The following SDK2 variants were observed in gnomAD, a reference collection of about 807,000 sequenced individuals.
The protein encoded by SDK2 is protein sidekick-2.
Under a neutral mutation model 253.9 loss-of-function variants are expected in SDK2, and 105 were observed. The observed-to-expected ratio is 0.41, with a 90% CI of 0.35 to 0.49. SDK2 has a LOEUF of 0.49. Among genes scored for constraint, SDK2 ranks in the 20% least tolerant of loss-of-function variants. The pLI is 0.06. For missense variants in SDK2, 2,608 were observed against 3,003.0 expected (o/e 0.87, Z 3.07); for synonymous variants, 1,249 against 1,234.9 (o/e 1.01, Z -0.24).
rs923423987 is a variant in SDK2 at position 73,431,105 on chromosome 17, G to A, written c.1480+397C>T. 5.3e-5 allele frequency among the ~76,000 whole-genome samples: 8 copies of A among 152,212 alleles called. No homozygotes were observed. Among genetic ancestry groups the A allele is most frequent in the Non-Finnish European group, 1.0e-4 (7 of 68,038 alleles). ...AGCCACGCCCATTGGATGACATACCGTCTGTGGCTGCTTTCTAGATAAAAC... is the reference window on the plus strand; with the variant it reads ...AGCCACGCCCATTGGATGACATACCATCTGTGGCTGCTTTCTAGATAAAAC... On this transcript the variant is annotated intron_variant, in intron 11 of 44. Transcript: ENST00000392650. The surrounding 1 kb of genome is among the most constrained non-coding windows in gnomAD (Gnocchi z 5.6).
At chr17:73,417,058 T>A (rs1195274066) in intron 16 of SDK2, among the ~76,000 whole-genome samples, 4 of 152,168 alleles carry the variant, frequency 2.6e-5, no homozygotes, top group Non-Finnish European at 5.9e-5. Context: ...TAGGTGTGGC[T>A]TCTGGCTAGC....
intron 1 of SDK2, among the ~76,000 whole-genome samples, chr17:73,593,768 CAG>C (rs1308561789): frequency 6.6e-6 from 1 of 152,174 alleles, no homozygotes; most frequent in Admixed American, 6.5e-5. Context: ...TTAAATAACA[CAG>C]GGGCCTGGGC....
At chr17:73,483,292 C>T (rs1006800949) in intron 2 of SDK2, among the ~76,000 whole-genome samples, 4 of 149,192 alleles carry the variant, frequency 2.7e-5, no homozygotes, top group East Asian at 3.9e-4. Context: ...AACTCTGCAC[C>T]GACACAAGAC....
chr17:73,497,220 A>C (rs1229874480), intron 2 of SDK2, among the ~76,000 whole-genome samples: 11 of 152,208 alleles, frequency 7.2e-5, no homozygotes. Flanking sequence ...TTTGGAATCC[A>C]GCAGCGGTTG....
chr17:73,588,210 C>T (rs895102281), intron 1 of SDK2, among the ~76,000 whole-genome samples: 6 of 149,040 alleles, frequency 4.0e-5, no homozygotes, highest in Non-Finnish European at 5.9e-5. Flanking sequence ...CCCCCCCCTC[C>T]CCCGCCATCT....
rs969885798 is a variant in SDK2 at position 73,629,123 on chromosome 17, C to A, written c.64+14902G>T. On this transcript the variant is annotated intron_variant, in intron 1 of 44. Transcript: ENST00000392650. This position sits in a 1 kb window ranked among gnomAD's most constrained non-coding sequence, Gnocchi z 5.0. ...GGAAAGCCAGGCTCCTGAGCTCGCA[C>A]CTCACTTGCCTTTCTTGGCTGCACA... Among the ~76,000 whole-genome samples the A allele has an allele frequency of 5.9e-5, 9 of 152,226 alleles. No individual in the cohort carries two copies. Among genetic ancestry groups the A allele is most frequent in the African/African-American group, 2.2e-4 (9 of 41,460 alleles).
At chr17:73,448,147 A>G (rs2063466892) in intron 4 of SDK2, among the ~76,000 whole-genome samples, 1 of 152,208 alleles carries the variant, frequency 6.6e-6, no homozygotes, top group African/African-American at 2.4e-5. Flanking sequence ...CAGACACTGA[A>G]GAAATGTTCT....
Position 73,618,831 on chromosome 17 carries a change from C to A in SDK2, c.64+25194G>T, listed in dbSNP as rs576130162. ...AGCAAATGCCTACCAGAGCACAAAA[C>A]CCACAGCTAACAACTATGAACCCTG... On this transcript the variant is annotated intron_variant, in intron 1 of 44. Transcript: ENST00000392650. The surrounding 1 kb of genome is among the most constrained non-coding windows in gnomAD (Gnocchi z 4.1). 1.3e-5 allele frequency among the ~76,000 whole-genome samples: 2 copies of A among 152,252 alleles called. No individual in the cohort carries two copies. Among genetic ancestry groups the A allele is most frequent in the East Asian group, 1.9e-4 (1 of 5,188 alleles).
intron 1 of SDK2, among the ~76,000 whole-genome samples, chr17:73,628,621 G>C (rs2046232247): frequency 6.6e-6 from 1 of 152,224 alleles, no homozygotes; most frequent in South Asian, 2.1e-4. Flanking sequence ...GACCACCTGG[G>C]ACGGGCCCAG....
chr17:73,350,090 G>C (rs2062521094), intron 43 of SDK2, 147 bp downstream of exon 43: 4 of 751,552 alleles, frequency 5.3e-6, no homozygotes, highest in Non-Finnish European at 8.4e-6. Context: ...TCTTTCTGCT[G>C]ATCGTTCCCA....
chr17:73,576,982 C>T (rs60990071), intron 1 of SDK2, among the ~76,000 whole-genome samples: 14,114 of 152,244 alleles, frequency 0.093, 721 homozygotes, highest in South Asian at 0.18. Context: ...GGCTTCGGAG[C>T]GTGGGAGTGG....
chr17:73,494,739 CTTTCCCTGCTACTGACTAGCAAA>C (rs1567805425), intron 2 of SDK2, among the ~76,000 whole-genome samples: 2 of 152,212 alleles, frequency 1.3e-5, no homozygotes, highest in Non-Finnish European at 2.9e-5. Flanking sequence ...ACCACCCTGC[CTTTCCCTGCTACTGACTAGCAAA>C]TCCTGAGGCC....
At chr17:73,362,842 C>T (rs949176494) in intron 38 of SDK2, among the ~76,000 whole-genome samples, 8 of 152,196 alleles carry the variant, frequency 5.3e-5, no homozygotes, top group Non-Finnish European at 4.4e-5. Flanking sequence ...CCCTGGGAGC[C>T]GGGGTTAGTG....
In SDK2 at chr17:73,395,441, T is replaced by C; in HGVS notation, c.3355-49A>G. On this transcript the variant is annotated intron_variant, in intron 24 of 44. Coordinates refer to ENST00000392650, the MANE Select transcript of SDK2 (RefSeq NM_001144952.2). This position sits in a 1 kb window ranked among gnomAD's most constrained non-coding sequence, Gnocchi z 4.3. ...AGCTGCTATGAGCCAGGCCCCCCAC[T>C]GTGCAGGGAGGAACTGCCCTGCTAC... 1 of 1,513,792 alleles carries C rather than the reference T, an allele frequency of 6.6e-7. No homozygotes were observed. The highest frequency in any genetic ancestry group is 9.2e-7 in the Non-Finnish European group (1 of 1,091,942). 93.8% of individuals were successfully genotyped at this position (1,513,792 alleles called of 1,614,324 possible).
chr17:73,352,346 CAAT>C lies in SDK2; in HGVS notation c.5758+124_5758+126del. ...TTGCCTCTTCACAGCCCCGAGGGGACAATGTGTTTTTGTTCCCGCCCCATGCTC... is the reference window on the plus strand; with the variant it reads ...TTGCCTCTTCACAGCCCCGAGGGGACGTGTTTTTGTTCCCGCCCCATGCTC... On this transcript the variant is annotated intron_variant, in intron 41 of 44. Transcript: ENST00000392650. This position sits in a 1 kb window ranked among gnomAD's most constrained non-coding sequence, Gnocchi z 4.1. 4 of 1,195,734 alleles carry C rather than the reference CAAT, an allele frequency of 3.3e-6. No individual in the cohort carries two copies. Among genetic ancestry groups the C allele is most frequent in the Non-Finnish European group, 4.6e-6 (4 of 863,406 alleles). The allele number at this position is 1,195,734 out of a possible 1,614,324, so 74.1% of individuals were successfully genotyped here.
At chr17:73,553,298 C>A (rs2045093102) in intron 1 of SDK2, among the ~76,000 whole-genome samples, 1 of 152,168 alleles carries the variant, frequency 6.6e-6, no homozygotes, top group Non-Finnish European at 1.5e-5. Context: ...TATTGATAGA[C>A]CATTCTCACT....
intron 1 of SDK2, among the ~76,000 whole-genome samples, chr17:73,621,663 T>C (rs2046134313): frequency 6.6e-6 from 1 of 151,866 alleles, no homozygotes; most frequent in Non-Finnish European, 1.5e-5. Flanking sequence ...AAATAAAATA[T>C]ATCAGATTTA....
chr17:73,414,632 T>C lies in SDK2; in HGVS notation c.2484+12A>G, dbSNP rs1480620292. 4.4e-6 allele frequency: 7 copies of C among 1,603,836 alleles called. No homozygotes were observed. The Admixed American group carries it at 1.0e-4, about 23-fold the overall frequency. On this transcript the variant is annotated intron_variant, in intron 18 of 44. Transcript: ENST00000392650. Reference sequence around the variant, plus strand: ...TAGGGCCTCCTCTTGGGTGAGGAGATGCCTCATGTACCTTGTAGCCCTGGT... The same window carrying C: ...TAGGGCCTCCTCTTGGGTGAGGAGACGCCTCATGTACCTTGTAGCCCTGGT...
In SDK2 at chr17:73,416,625, T is replaced by C. The variant is rs113890414; in HGVS notation, c.2187-633A>G. Among the ~76,000 whole-genome samples, 450 of 152,236 alleles carry C rather than the reference T, an allele frequency of 3.0e-3. 1 individual carries two copies. Among genetic ancestry groups the C allele is most frequent in the African/African-American group, 0.01 (422 of 41,548 alleles). On this transcript the variant is annotated intron_variant, in intron 16 of 44. Transcript: ENST00000392650. ...TATTTTTTTAGATGGAGTCTCGCTC[T>C]TTCACCCAGGCTGGAGTGCTATGGC...
Sources: gnomAD v4.1 joint callset for allele counts (sites outside exome capture counted in the v4.1 genomes callset) on GRCh38, gnomAD v4.1.1 for gene constraint, Gnocchi (gnomAD v3.1) non-coding constraint, MANE v1.5 for transcripts, NCBI Gene and HGNC (gene_info 2026-07-23, HGNC 2026-07-21) for gene names.